LRP1B: variants seen among roughly 807,000 people sequenced by gnomAD.
LRP1B encodes low-density lipoprotein receptor-related protein 1B.
Under a neutral mutation model 556.6 loss-of-function variants are expected in LRP1B, and 217 were observed. That is an observed-to-expected ratio of 0.39 (90% CI 0.35 to 0.44). The LOEUF (loss-of-function observed/expected upper bound fraction) is 0.44, where lower values mean the gene tolerates loss of function less well. LRP1B is among the 20% of genes least tolerant of loss of function. The probability of loss-of-function intolerance (pLI) is 1.00; values close to 1 mark genes in which losing one functional copy is unlikely to be tolerated. For missense variants in LRP1B, 5,053 were observed against 5,620.8 expected, an observed-to-expected ratio of 0.90 and a Z score of 3.23; for synonymous variants, 2,047 against 1,865.8, an observed-to-expected ratio of 1.10 and a Z score of -2.50.
intron 35 of LRP1B, among the ~76,000 whole-genome samples, chr2:140,734,053 T>C (rs559002403): frequency 3.0e-4 from 45 of 152,102 alleles, no homozygotes; most frequent in Non-Finnish European, 6.2e-4. Context: ...AACCATAATA[T>C]ATGGTAACAA....
intron 5 of LRP1B, among the ~76,000 whole-genome samples, chr2:141,239,119 G>A (rs1052026686): frequency 6.6e-6 from 1 of 152,002 alleles, no homozygotes; most frequent in Admixed American, 6.6e-5. Flanking sequence ...AAAAGTATTG[G>A]CAAAATGAAG....
chr2:140,876,843 G>T (rs1693322984), intron 25 of LRP1B, among the ~76,000 whole-genome samples: 1 of 152,046 alleles, frequency 6.6e-6, no homozygotes, highest in African/African-American at 2.4e-5. Flanking sequence ...AAATAATCAG[G>T]CCAAGTATAA....
chr2:142,053,388 T>A (rs1002401489), intron 1 of LRP1B, among the ~76,000 whole-genome samples: 1 of 152,140 alleles, frequency 6.6e-6, no homozygotes, highest in Non-Finnish European at 1.5e-5. Context: ...AATTCAAATG[T>A]TCACAGCTAT....
chr2:140,683,511 T>C (rs1017096701), intron 41 of LRP1B: 1 of 593,470 alleles, frequency 1.7e-6, no homozygotes, highest in South Asian at 1.6e-5. Context: ...AACGCTCCCC[T>C]GGATGTCGTC....
intron 51 of LRP1B, among the ~76,000 whole-genome samples, chr2:140,510,504 A>G (rs941518212): frequency 6.6e-6 from 1 of 152,212 alleles, no homozygotes; most frequent in Non-Finnish European, 1.5e-5. Flanking sequence ...TATTATCAGT[A>G]TCATTTTACA....
At chr2:140,630,294 C>A (rs1453878942) in intron 41 of LRP1B, among the ~76,000 whole-genome samples, 1 of 152,190 alleles carries the variant, frequency 6.6e-6, no homozygotes, top group Admixed American at 6.5e-5. Context: ...AGTAAAGAAT[C>A]AGACTAGTTT....
At chr2:141,700,808 T>A (rs980352201) in intron 2 of LRP1B, among the ~76,000 whole-genome samples, 2 of 151,822 alleles carry the variant, frequency 1.3e-5, no homozygotes, top group African/African-American at 4.8e-5. Context: ...CTCAGGGAAT[T>A]AGAGGATCAA....
At chr2:140,259,649 A>C (rs1240913729) in intron 86 of LRP1B, among the ~76,000 whole-genome samples, 2 of 152,088 alleles carry the variant, frequency 1.3e-5, no homozygotes, top group Non-Finnish European at 2.9e-5. Context: ...ATATTCATTA[A>C]GAACATATTA....
chr2:141,455,416 T>C (rs145974903), intron 3 of LRP1B, among the ~76,000 whole-genome samples: 1 of 152,268 alleles, frequency 6.6e-6, no homozygotes, highest in African/African-American at 2.4e-5. Flanking sequence ...ATCTTCTCAG[T>C]GTTCAGTTGA....
intron 2 of LRP1B, among the ~76,000 whole-genome samples, chr2:141,681,913 G>T (rs560511202): frequency 6.6e-6 from 1 of 152,228 alleles, no homozygotes; most frequent in Non-Finnish European, 1.5e-5. Flanking sequence ...GTTTTCTACT[G>T]CACAAAGAGA....
intron 2 of LRP1B, 126 bp from the exon 3 acceptor site, chr2:141,480,659 C>T (rs754046373): frequency 1.7e-5 from 16 of 925,936 alleles, no homozygotes; most frequent in Non-Finnish European, 2.6e-5. Context: ...AAGAGTGCTG[C>T]TCTTGTTCTC....
chr2:141,787,704 G>GT (rs913682323), intron 2 of LRP1B, among the ~76,000 whole-genome samples: 2 of 151,042 alleles, frequency 1.3e-5, no homozygotes, highest in African/African-American at 4.9e-5. Flanking sequence ...TATACTAAAA[G>GT]TTTTTTTACT....
chr2:140,779,753 A>AGTGC (rs373081625), intron 32 of LRP1B, among the ~76,000 whole-genome samples: 1 of 133,958 alleles, frequency 7.5e-6, no homozygotes, highest in Non-Finnish European at 1.6e-5. Flanking sequence ...TCTCTGTGAG[A>AGTGC]GAGTGTGTGT....
intron 1 of LRP1B, among the ~76,000 whole-genome samples, chr2:141,860,833 C>T (rs533540461): frequency 6.6e-6 from 1 of 152,232 alleles, no homozygotes; most frequent in East Asian, 1.9e-4. Context: ...TTCATCTTCA[C>T]AGCAACCTGA....
At chr2:141,018,731 A>C (rs72975034) in intron 12 of LRP1B, among the ~76,000 whole-genome samples, 7,658 of 152,232 alleles carry the variant, frequency 0.05, 238 homozygotes, top group Middle Eastern at 0.071. Context: ...AGTGTGGAAC[A>C]AATACTCTCT....
intron 11 of LRP1B, among the ~76,000 whole-genome samples, chr2:141,035,253 C>T (rs1698498249): frequency 6.6e-6 from 1 of 151,850 alleles, no homozygotes; most frequent in South Asian, 2.1e-4. Context: ...ATAACTAATG[C>T]TAAATGACGA....
At chr2:141,696,901 G>A (rs576405379) in intron 2 of LRP1B, among the ~76,000 whole-genome samples, 13 of 151,850 alleles carry the variant, frequency 8.6e-5, no homozygotes, top group African/African-American at 2.9e-4. Context: ...AGAAATGGGC[G>A]ATGTTAAAAG....
At chr2:141,174,510 G>T (rs562396916) in intron 7 of LRP1B, among the ~76,000 whole-genome samples, 14 of 152,052 alleles carry the variant, frequency 9.2e-5, no homozygotes, top group African/African-American at 2.9e-4. Flanking sequence ...CACTTTCCCC[G>T]TTTTTCTCTC....
Position 142,039,105 on chromosome 2 carries a change from C to A in LRP1B, c.82+91543G>T, listed in dbSNP as rs1644251138. On this transcript the variant is annotated intron_variant, in intron 1 of 90. Coordinates refer to ENST00000389484, the MANE Select transcript of LRP1B (RefSeq NM_018557.3). ...TCTGACACAGCCACATTTTCTCCCCCTTTCTTGGCACTATCCCCACAGCTC... is the reference window on the plus strand; with the variant it reads ...TCTGACACAGCCACATTTTCTCCCCATTTCTTGGCACTATCCCCACAGCTC... 2.6e-5 allele frequency among the ~76,000 whole-genome samples: 4 copies of A among 151,552 alleles called. No homozygotes were observed. The Admixed American group carries it at 2.6e-4, about 10-fold the overall frequency.
Sources: allele counts gnomAD v4.1 joint callset (sites outside exome capture counted in the v4.1 genomes callset), GRCh38; gene constraint gnomAD v4.1.1; transcripts MANE v1.5; gene names NCBI Gene and HGNC (gene_info 2026-07-23, HGNC 2026-07-21).